The following ALK variants were observed in gnomAD, a reference collection of about 807,000 sequenced individuals.
ALK encodes ALK receptor tyrosine kinase.
In ALK, 74 loss-of-function variants were observed where a neutral mutation model predicts 163.1. The observed-to-expected ratio is 0.45, with a 90% CI of 0.38 to 0.55. The LOEUF (loss-of-function observed/expected upper bound fraction) is 0.55. Ranked by LOEUF, ALK falls within the 20% of genes least tolerant of loss-of-function variation. ALK has a pLI of 0.00. For missense variants in ALK, 2,063 were observed against 2,105.3 expected (o/e 0.98, Z 0.39); for synonymous variants, 960 against 843.2 (o/e 1.14, Z -2.40).
chr2:29,331,632 C>T (rs190372165), intron 5 of ALK, among the ~76,000 whole-genome samples: 32 of 152,300 alleles, frequency 2.1e-4, no homozygotes, highest in African/African-American at 6.5e-4. Flanking sequence ...GCTGGTCCCA[C>T]GGAAGGTGTG....
At chr2:29,357,907 G>T (rs1668290569) in intron 5 of ALK, among the ~76,000 whole-genome samples, 2 of 152,188 alleles carry the variant, frequency 1.3e-5, no homozygotes, top group African/African-American at 2.4e-5. Context: ...CACTGGCTTG[G>T]CCCTTTCCTG....
intron 9 of ALK, chr2:29,286,394 T>C (rs1665857381): frequency 1.3e-5 from 2 of 152,212 alleles, no homozygotes; most frequent in Admixed American, 1.3e-4. Flanking sequence ...TCTGCCATTA[T>C]ATACCAGTGA....
chr2:29,634,116 C>CT (rs1303674747), intron 3 of ALK, among the ~76,000 whole-genome samples: 1 of 93,048 alleles, frequency 1.1e-5, no homozygotes, highest in Admixed American at 1.1e-4. Flanking sequence ...GACTGGTGCA[C>CT]ATTTTTTTTT....
intron 4 of ALK, among the ~76,000 whole-genome samples, chr2:29,455,210 G>A (rs1039455932): frequency 2.0e-5 from 3 of 152,192 alleles, no homozygotes; most frequent in Non-Finnish European, 2.9e-5. Context: ...AGGAGGTGGC[G>A]GGAACAGTGT....
intron 11 of ALK, among the ~76,000 whole-genome samples, chr2:29,252,691 T>C (rs1664850293): frequency 6.6e-6 from 1 of 152,056 alleles, no homozygotes; most frequent in African/African-American, 2.4e-5. Flanking sequence ...TGGGCTTCAT[T>C]TATTTATTTA....
At chr2:29,799,500 C>T (rs1664406454) in intron 1 of ALK, among the ~76,000 whole-genome samples, 1 of 148,018 alleles carries the variant, frequency 6.8e-6, no homozygotes, top group Non-Finnish European at 1.5e-5. Context: ...GATCCTGTCT[C>T]AAAACAAAAC....
chr2:29,622,767 C>T (rs1274836257), intron 3 of ALK, among the ~76,000 whole-genome samples: 3 of 152,112 alleles, frequency 2.0e-5, no homozygotes, highest in Non-Finnish European at 2.9e-5. Context: ...TATGGAACAA[C>T]CCTCCATCCC....
At chr2:29,621,001 G>T (rs1676020142) in intron 3 of ALK, among the ~76,000 whole-genome samples, 1 of 152,184 alleles carries the variant, frequency 6.6e-6, no homozygotes, top group African/African-American at 2.4e-5. Context: ...TATGCAAAGG[G>T]TGAGTGAGTT....
intron 3 of ALK, among the ~76,000 whole-genome samples, chr2:29,577,385 C>T (rs1333335904): frequency 2.6e-5 from 4 of 152,158 alleles, no homozygotes; most frequent in African/African-American, 9.7e-5. Context: ...GTCACTTCCT[C>T]CCCTCCCTCA....
intron 13 of ALK, among the ~76,000 whole-genome samples, chr2:29,236,017 A>ATTTTTTT (rs771017409): frequency 7.9e-6 from 1 of 126,216 alleles, no homozygotes; most frequent in Non-Finnish European, 1.7e-5. Flanking sequence ...TAATTTTTGT[A>ATTTTTTT]TTTTTTTTTT....
At chr2:29,632,561 C>T (rs1355420264) in intron 3 of ALK, among the ~76,000 whole-genome samples, 1 of 152,110 alleles carries the variant, frequency 6.6e-6, no homozygotes, top group Admixed American at 6.5e-5. Flanking sequence ...AGAGAAAAAT[C>T]TTTCTCTCTC....
intron 1 of ALK, among the ~76,000 whole-genome samples, chr2:29,844,993 C>T (rs1665804268): frequency 6.6e-6 from 1 of 152,156 alleles, no homozygotes; most frequent in Non-Finnish European, 1.5e-5. Flanking sequence ...GGTTCCGGGG[C>T]TGTCGTCTAA....
intron 4 of ALK, among the ~76,000 whole-genome samples, chr2:29,402,796 G>A (rs1438662239): frequency 6.6e-6 from 1 of 152,144 alleles, no homozygotes; most frequent in East Asian, 1.9e-4. Context: ...TGCATCTGTA[G>A]CCTCTTGGAG....
chr2:29,562,289 A>C (rs1408308774), intron 3 of ALK, among the ~76,000 whole-genome samples: 1 of 152,240 alleles, frequency 6.6e-6, no homozygotes, highest in African/African-American at 2.4e-5. Context: ...CCATCTGGAC[A>C]AAGACTGATT....
chr2:29,718,909 G>A lies in ALK; in HGVS notation c.668-1212C>T, dbSNP rs890944307. 9.2e-5 allele frequency among the ~76,000 whole-genome samples: 14 copies of A among 152,334 alleles called. No individual in the cohort carries two copies. In the East Asian group the frequency reaches 1.5e-3, roughly 17 times the overall value. On this transcript the variant is annotated intron_variant, in intron 1 of 28. Transcript: ENST00000389048. Reference sequence around the variant, plus strand: ...GAAAAGGCAGGCAGCAGGAGTAGCAGAGGCATTTTCCCAGTCTGCCTGCTC... The same window carrying A: ...GAAAAGGCAGGCAGCAGGAGTAGCAAAGGCATTTTCCCAGTCTGCCTGCTC...
chr2:29,203,169 T>C (rs957496720), intron 26 of ALK, among the ~76,000 whole-genome samples: 1 of 152,208 alleles, frequency 6.6e-6, no homozygotes, highest in Non-Finnish European at 1.5e-5. Flanking sequence ...AGAGATCCAC[T>C]GGGTTAGGTT....
At chr2:29,250,912 ATCT>A (rs1330624397) in intron 12 of ALK, among the ~76,000 whole-genome samples, 190 bp downstream of exon 12, 1 of 152,170 alleles carries the variant, frequency 6.6e-6, no homozygotes, top group Middle Eastern at 3.2e-3. Flanking sequence ...CAAAGGACAC[ATCT>A]TCTTTTGTTG....
chr2:29,784,029 C>G (rs1286584172), intron 1 of ALK, among the ~76,000 whole-genome samples: 1 of 151,778 alleles, frequency 6.6e-6, no homozygotes, highest in Admixed American at 6.6e-5. Context: ...GAAGAAAGAA[C>G]AGGAATGCCA....
At chr2:29,670,378 C>A (rs1315116863) in intron 3 of ALK, among the ~76,000 whole-genome samples, 1 of 152,032 alleles carries the variant, frequency 6.6e-6, no homozygotes, top group African/African-American at 2.4e-5. Flanking sequence ...GTTGAGAAGT[C>A]TGTTACCAGA....
Sources: gnomAD v4.1 joint callset for allele counts (sites outside exome capture counted in the v4.1 genomes callset) on GRCh38, gnomAD v4.1.1 for gene constraint, MANE v1.5 for transcripts, NCBI Gene and HGNC (gene_info 2026-07-23, HGNC 2026-07-21) for gene names.